GNAO1: variants seen among roughly 807,000 people sequenced by gnomAD.
GNAO1 encodes G protein subunit alpha o1, also known as guanine nucleotide-binding protein G(o) subunit alpha.
For synonymous variants in GNAO1, 164 were observed against 180.7 expected (o/e 0.91, Z 0.74); for missense variants, 166 against 478.7 (o/e 0.35, Z 6.10).
At chr16:56,350,716 G>T (rs1243201257) in intron 6 of GNAO1, among the ~76,000 whole-genome samples, 1 of 152,072 alleles carries the variant, frequency 6.6e-6, no homozygotes, top group African/African-American at 2.4e-5. Flanking sequence ...CCTGAGTGGT[G>T]GCACCCAGGA....
chr16:56,346,188 TTCTC>T lies in GNAO1; in HGVS notation c.724-5193_724-5190del, dbSNP rs1443271884. 4.1e-5 allele frequency: 40 copies of T among 985,228 alleles called. No individual in the cohort carries two copies. In the African/African-American group the frequency reaches 6.6e-4, roughly 16 times the overall value. 61.0% of individuals were successfully genotyped at this position (985,228 alleles called of 1,614,324 possible). On this transcript the variant is annotated intron_variant, in intron 6 of 8. Coordinates refer to ENST00000262493, the MANE Select transcript of GNAO1 (RefSeq NM_020988.3). The stretch of plus-strand genomic sequence containing the variant: ...GTCCTCAGGGGTATCCGGGGAGAAA[TTCTC>T]TCCCTGTGCATGACACCTGTCATCC...
At chr16:56,337,211 G>A (rs1336886930) in intron 6 of GNAO1, among the ~76,000 whole-genome samples, 1 of 152,264 alleles carries the variant, frequency 6.6e-6, no homozygotes. Context: ...AAGCAAGAAT[G>A]TACAGGCAAC....
At chr16:56,331,634 C>T (rs1367930080) in intron 4 of GNAO1, among the ~76,000 whole-genome samples, 1 of 152,170 alleles carries the variant, frequency 6.6e-6, no homozygotes, top group Non-Finnish European at 1.5e-5. Context: ...GCCCACCCAC[C>T]CAGGCAACTG....
At chr16:56,318,538 G>A (rs2037537776) in intron 3 of GNAO1, among the ~76,000 whole-genome samples, 1 of 152,196 alleles carries the variant, frequency 6.6e-6, no homozygotes, top group Non-Finnish European at 1.5e-5. Flanking sequence ...GGCAGGGTGG[G>A]GCCAGATGGA....
chr16:56,278,409 A>G (rs11865181), intron 3 of GNAO1, among the ~76,000 whole-genome samples: 1 of 152,228 alleles, frequency 6.6e-6, no homozygotes, highest in African/African-American at 2.4e-5. Context: ...AGTGAACCCG[A>G]GACCCAGGCC....
At chr16:56,216,621 C>T (rs1183780385) in intron 2 of GNAO1, among the ~76,000 whole-genome samples, 2 of 152,202 alleles carry the variant, frequency 1.3e-5, no homozygotes, top group African/African-American at 4.8e-5. Flanking sequence ...GGCGATAAGA[C>T]CTGATGTGGC....
intron 2 of GNAO1, among the ~76,000 whole-genome samples, chr16:56,200,776 T>C (rs1184196048): frequency 6.6e-6 from 1 of 152,202 alleles, no homozygotes; most frequent in African/African-American, 2.4e-5. Flanking sequence ...CTGAGTTCCT[T>C]CTGGAGGTGG....
chr16:56,241,168 A>G (rs1333049344), intron 2 of GNAO1, among the ~76,000 whole-genome samples: 2 of 152,202 alleles, frequency 1.3e-5, no homozygotes, highest in African/African-American at 2.4e-5. Flanking sequence ...CGCTGCTCCC[A>G]TGGAACTTTT....
intron 3 of GNAO1, among the ~76,000 whole-genome samples, chr16:56,289,393 G>A (rs75625557): frequency 7.1e-4 from 108 of 152,316 alleles, no homozygotes; most frequent in African/African-American, 2.5e-3. Flanking sequence ...AATGGGCATG[G>A]TCCCCACCCG....
rs1030197111 is a variant in GNAO1, at chr16:56,273,070, C to T, written c.162-2861C>T. The stretch of plus-strand genomic sequence containing the variant: ...ACAATGTGTATCTTGACTTATTACA[C>T]TTTACTTTCAAATAATATTATATTA... On this transcript the variant is annotated intron_variant, in intron 2 of 8. Coordinates refer to ENST00000262493, the MANE Select transcript of GNAO1 (RefSeq NM_020988.3). 2.0e-5 allele frequency among the ~76,000 whole-genome samples: 3 copies of T among 152,194 alleles called. No individual in the cohort carries two copies. In the East Asian group the frequency reaches 5.8e-4, roughly 29 times the overall value.
intron 2 of GNAO1, among the ~76,000 whole-genome samples, chr16:56,274,329 T>C (rs2037042926): frequency 6.6e-6 from 1 of 152,236 alleles, no homozygotes; most frequent in African/African-American, 2.4e-5. Flanking sequence ...TTGAGATCTC[T>C]CTGGGGTGGT....
chr16:56,256,732 G>C lies in GNAO1; in HGVS notation c.162-19199G>C, dbSNP rs1001019562. ...TCTCTCTCTCTCTGTGTGTGTGTGT[G>C]TGTGTGTGTGTGTGTGTGTGTGTGT... On this transcript the variant is annotated intron_variant, in intron 2 of 8. Transcript: ENST00000262493. Among the ~76,000 whole-genome samples the C allele has an allele frequency of 6.3e-3, 692 of 109,588 alleles. 5 individuals carry two copies. The highest frequency in any genetic ancestry group is 0.021 in the African/African-American group (611 of 28,600). The allele number at this position is 109,588 out of a possible 152,430, so 71.9% of individuals were successfully genotyped here.
chr16:56,301,794 AT>A (rs1284229646), intron 3 of GNAO1: 23 of 152,066 alleles, frequency 1.5e-4, no homozygotes, highest in African/African-American at 4.8e-4. Flanking sequence ...ATCATGTTGA[AT>A]TGTTACTATT....
chr16:56,343,621 G>A (rs1187123061), intron 6 of GNAO1: 21 of 618,866 alleles, frequency 3.4e-5, no homozygotes, highest in East Asian at 2.7e-4. Flanking sequence ...GACCCCTCAG[G>A]TCCCCTCCAT....
intron 6 of GNAO1, chr16:56,346,818 C>A: frequency 1.0e-6 from 1 of 985,428 alleles, no homozygotes; most frequent in Non-Finnish European, 1.2e-6. Flanking sequence ...TTCTTAGGAG[C>A]AGAGGCAGCC....
intron 6 of GNAO1, chr16:56,344,108 AC>A (rs1186466999): frequency 2.9e-5 from 42 of 1,452,022 alleles, no homozygotes; most frequent in African/African-American, 1.1e-4. Context: ...CTCCACCCGC[AC>A]CCCCCAACAG....
At chr16:56,242,819 G>A (rs1481612248) in intron 2 of GNAO1, among the ~76,000 whole-genome samples, 3 of 152,184 alleles carry the variant, frequency 2.0e-5, no homozygotes, top group Non-Finnish European at 2.9e-5. Flanking sequence ...TTTAAAAATT[G>A]TATGCTTTAG....
chr16:56,242,180 G>A (rs1340418751), intron 2 of GNAO1, among the ~76,000 whole-genome samples: 1 of 142,962 alleles, frequency 7.0e-6, no homozygotes, highest in Non-Finnish European at 1.5e-5. Context: ...AACAGTGGTA[G>A]TGGTAGTAAT....
chr16:56,357,283 CTT>C lies in GNAO1; in HGVS notation c.*1210_*1211del, dbSNP rs1277238728. Reference sequence around the variant, plus strand: ...ACACACAAAAAATTAAAAAAAAAAACTTAAAAAAAAAAGGAAAAAAGAAAAAA... The same window carrying C: ...ACACACAAAAAATTAAAAAAAAAAACAAAAAAAAAAGGAAAAAAGAAAAAA... On this transcript the variant is annotated 3_prime_UTR_variant, in exon 9 of 9. Coordinates refer to ENST00000262493, the MANE Select transcript of GNAO1 (RefSeq NM_020988.3). 6.7e-6 allele frequency: 1 copy of C among 150,296 alleles called. No individual in the cohort carries two copies. The highest frequency in any genetic ancestry group is 2.5e-5 in the African/African-American group (1 of 40,784). 9.3% of individuals were successfully genotyped at this position (150,296 alleles called of 1,614,324 possible).
Sources: allele counts gnomAD v4.1 joint callset (sites outside exome capture counted in the v4.1 genomes callset), GRCh38; gene constraint gnomAD v4.1.1; transcripts MANE v1.5; gene names NCBI Gene and HGNC (gene_info 2026-07-23, HGNC 2026-07-21).